The following SPIDR variants were observed in gnomAD, a reference collection of about 807,000 sequenced individuals.
SPIDR encodes the protein DNA repair-scaffolding protein.
A neutral mutation model predicts 104.6 loss-of-function variants in SPIDR; 93 were observed. The ratio of observed to expected loss-of-function variants is 0.89; its 90% CI spans 0.75 to 1.06. The LOEUF (loss-of-function observed/expected upper bound fraction) is 1.06. Ranked by LOEUF, SPIDR falls within the 50% of genes least tolerant of loss-of-function variation. The pLI is 0.00. For missense variants in SPIDR, 1,154 were observed against 1,111.2 expected, an observed-to-expected ratio of 1.04 and a Z score of -0.55; for synonymous variants, 431 against 416.9, an observed-to-expected ratio of 1.03 and a Z score of -0.41.
intron 14 of SPIDR, among the ~76,000 whole-genome samples, chr8:47,705,373 ACAGT>A (rs1167327458): frequency 6.6e-6 from 1 of 152,220 alleles, no homozygotes; most frequent in African/African-American, 2.4e-5. Flanking sequence ...TAGCCACAAA[ACAGT>A]CAAAGACCTG....
At position 47,646,926 on chromosome 8, in the gene SPIDR, A is replaced by G. The variant is rs568547837; in HGVS notation, c.1545-26875A>G. Among the ~76,000 whole-genome samples, 10 of 152,318 alleles carry G rather than the reference A, an allele frequency of 6.6e-5. No homozygotes were observed. The East Asian group carries it at 1.5e-3, about 24-fold the overall frequency. ...TTGGAAAGCAGTATATACAGCAATAATGTTATACTCTTTGACCCAATACTC... is the reference window on the plus strand; with the variant it reads ...TTGGAAAGCAGTATATACAGCAATAGTGTTATACTCTTTGACCCAATACTC... On this transcript the variant is annotated intron_variant, in intron 10 of 19. Coordinates refer to ENST00000297423, the MANE Select transcript of SPIDR (RefSeq NM_001080394.4).
chr8:47,695,144 A>C (rs2154480694), intron 11 of SPIDR, among the ~76,000 whole-genome samples: 1 of 152,224 alleles, frequency 6.6e-6, no homozygotes, highest in East Asian at 1.9e-4. Flanking sequence ...GGAAGTGAGA[A>C]AGAAAAATAA....
rs1309642220 is a variant in SPIDR at position 47,730,025 on chromosome 8, C to G, written c.2604+560C>G. Among the ~76,000 whole-genome samples the G allele has an allele frequency of 2.0e-5, 3 of 152,110 alleles. No homozygotes were observed. In the East Asian group the frequency reaches 5.8e-4, roughly 29 times the overall value. ...TGAGCCGCTGCACCCAGCCTGCCCC[C>G]TGGCTTTGATTACAGCACCACAGTC... is the stretch of plus-strand genomic sequence containing the variant. On this transcript the variant is annotated intron_variant, in intron 19 of 19. Coordinates refer to ENST00000297423, the MANE Select transcript of SPIDR (RefSeq NM_001080394.4).
intron 8 of SPIDR, among the ~76,000 whole-genome samples, chr8:47,554,638 G>C (rs188382125): frequency 1.3e-5 from 2 of 152,296 alleles, no homozygotes; most frequent in African/African-American, 4.8e-5. Flanking sequence ...CGATTTTCTA[G>C]GTACTGTCTG....
chr8:47,572,636 C>A (rs946262341), intron 8 of SPIDR, among the ~76,000 whole-genome samples: 1 of 151,196 alleles, frequency 6.6e-6, no homozygotes, highest in Non-Finnish European at 1.5e-5. Context: ...CCACTCCTGC[C>A]TGGCGACAGA....
intron 5 of SPIDR, among the ~76,000 whole-genome samples, chr8:47,322,173 G>A (rs1471317201): frequency 6.6e-6 from 1 of 152,082 alleles, no homozygotes; most frequent in Non-Finnish European, 1.5e-5. Context: ...CAGAATGGGA[G>A]AAAATTTTTA....
At chr8:47,301,442 A>T (rs1277309936) in intron 5 of SPIDR, among the ~76,000 whole-genome samples, 1 of 152,192 alleles carries the variant, frequency 6.6e-6, no homozygotes, top group African/African-American at 2.4e-5. Context: ...TAGCCCATTT[A>T]CATTTAAGGT....
At chr8:47,436,179 T>C (rs992991333) in intron 7 of SPIDR, among the ~76,000 whole-genome samples, 12 of 152,212 alleles carry the variant, frequency 7.9e-5, no homozygotes, top group African/African-American at 2.9e-4. Flanking sequence ...TAGCCGCTAC[T>C]GTGTCCATTT....
rs1486694386 is a variant in SPIDR at position 47,382,678 on chromosome 8, TG to T, written c.526-13695del. Among the ~76,000 whole-genome samples, 332 of 152,320 alleles carry T rather than the reference TG, an allele frequency of 2.2e-3. 2 individuals are homozygous for T. Among genetic ancestry groups the T allele is most frequent in the Non-Finnish European group, 2.4e-3 (163 of 68,034 alleles). On this transcript the variant is annotated intron_variant, in intron 5 of 19. Transcript: ENST00000297423. ...CACCCACCTCGGCCTCCCAAAGTGC[TG>T]GGATTAACAGGCATGAGCCACCAGG...
chr8:47,638,690 C>T (rs2068353890), intron 10 of SPIDR, among the ~76,000 whole-genome samples: 1 of 152,180 alleles, frequency 6.6e-6, no homozygotes, highest in South Asian at 2.1e-4. Context: ...TATCCTATCT[C>T]CATAGACAAT....
chr8:47,360,885 T>C (rs1324021916), intron 5 of SPIDR: 6 of 985,350 alleles, frequency 6.1e-6, no homozygotes, highest in African/African-American at 3.5e-5. Context: ...CAGACACTGC[T>C]TTGGTGCTGT....
At chr8:47,505,650 C>T (rs1586836450) in intron 8 of SPIDR, among the ~76,000 whole-genome samples, 1 of 152,160 alleles carries the variant, frequency 6.6e-6, no homozygotes, top group Non-Finnish European at 1.5e-5. Context: ...TTCCGATACT[C>T]CCCAGTGCGA....
chr8:47,384,532 A>G (rs2059668239), intron 5 of SPIDR, among the ~76,000 whole-genome samples: 1 of 152,164 alleles, frequency 6.6e-6, no homozygotes, highest in African/African-American at 2.4e-5. Context: ...TTGTTTTTTC[A>G]GTTAGTGGCA....
intron 5 of SPIDR, among the ~76,000 whole-genome samples, chr8:47,302,861 G>A (rs1222320612): frequency 6.6e-6 from 1 of 152,154 alleles, no homozygotes; most frequent in Non-Finnish European, 1.5e-5. Context: ...CCCCTACTGG[G>A]GGGTCCCTCC....
intron 6 of SPIDR, among the ~76,000 whole-genome samples, chr8:47,399,148 A>G (rs925888879): frequency 6.6e-6 from 1 of 152,216 alleles, no homozygotes; most frequent in South Asian, 2.1e-4. Flanking sequence ...TAGAAATTTC[A>G]TCATGTTTGT....
chr8:47,304,549 C>T (rs2042797388), intron 5 of SPIDR, among the ~76,000 whole-genome samples: 2 of 152,048 alleles, frequency 1.3e-5, no homozygotes, highest in African/African-American at 2.4e-5. Flanking sequence ...TGTAGTACTG[C>T]CCACTTTGCT....
At chr8:47,499,394 C>G (rs1436589853) in intron 8 of SPIDR, among the ~76,000 whole-genome samples, 1 of 152,050 alleles carries the variant, frequency 6.6e-6, no homozygotes, top group African/African-American at 2.4e-5. Flanking sequence ...AAATATAGTT[C>G]CACCCCAGGC....
At chr8:47,266,129 CTTT>C (rs1224689414) in intron 1 of SPIDR, among the ~76,000 whole-genome samples, 10 of 129,622 alleles carry the variant, frequency 7.7e-5, no homozygotes, top group Admixed American at 1.6e-4. Context: ...GTTTCTTTGT[CTTT>C]TTTTTTTTTT....
chr8:47,558,635 T>TC (rs2056661549), intron 8 of SPIDR, among the ~76,000 whole-genome samples: 1 of 150,904 alleles, frequency 6.6e-6, no homozygotes, highest in Non-Finnish European at 1.5e-5. Flanking sequence ...GCTTCACCTT[T>TC]TTTTTTGTTT....
Sources: gnomAD v4.1 joint callset for allele counts (sites outside exome capture counted in the v4.1 genomes callset) on GRCh38, gnomAD v4.1.1 for gene constraint, MANE v1.5 for transcripts, NCBI Gene and HGNC (gene_info 2026-07-23, HGNC 2026-07-21) for gene names.